Variants in FNBP4 observed in about 807,000 individuals in gnomAD.
FNBP4 encodes the protein formin binding protein 4.
In FNBP4, 34 loss-of-function variants were observed where a neutral mutation model predicts 119.3. The ratio of observed to expected loss-of-function variants is 0.28; its 90% confidence interval spans 0.22 to 0.38. FNBP4 has a LOEUF of 0.38. FNBP4 is among the 10% of genes least tolerant of loss of function. The probability of loss-of-function intolerance (pLI) is 1.00; values close to 1 mark genes in which losing one functional copy is unlikely to be tolerated. For synonymous variants in FNBP4, 462 were observed against 430.6 expected, an observed-to-expected ratio of 1.07 and a Z score of -0.90; for missense variants, 1,112 against 1,228.9, an observed-to-expected ratio of 0.90 and a Z score of 1.42.
At position 47,733,793 on chromosome 11, in the gene FNBP4, T is replaced by G. The variant is rs1233553681; in HGVS notation, c.1686+232A>C. ...AACACTTACAAAGTACCTTCAACAT[T>G]ACATGGCCTCATCTGACCATGATAA... On this transcript the variant is annotated intron_variant, in intron 10 of 16. Transcript: ENST00000263773. Among the ~76,000 whole-genome samples, 3 of 152,124 alleles carry G rather than the reference T, an allele frequency of 2.0e-5. No homozygotes were observed. In the South Asian group the frequency reaches 6.2e-4, roughly 31 times the overall value.
At chr11:47,747,048 T>C (rs548069409) in intron 6 of FNBP4, among the ~76,000 whole-genome samples, 2 of 152,212 alleles carry the variant, frequency 1.3e-5, no homozygotes, top group East Asian at 3.9e-4. Flanking sequence ...TGAGAAATTT[T>C]TTTTTTTGAG....
intron 8 of FNBP4, 148 bp from the exon 9 acceptor site, chr11:47,736,888 T>C (rs2097574908): frequency 1.3e-6 from 1 of 778,746 alleles, no homozygotes; most frequent in Admixed American, 3.0e-5. Context: ...TTCAAACATG[T>C]CAGCCTACTG....
intron 9 of FNBP4, among the ~76,000 whole-genome samples, chr11:47,736,396 A>C (rs2097574210): frequency 6.6e-6 from 1 of 151,954 alleles, no homozygotes; most frequent in Non-Finnish European, 1.5e-5. Flanking sequence ...TTTCTACTAA[A>C]AATACAAAAA....
rs563125444 is a variant in FNBP4 at position 47,750,133 on chromosome 11, C to T, written c.906+783G>A. Among the ~76,000 whole-genome samples, 14 of 152,032 alleles carry T rather than the reference C, an allele frequency of 9.2e-5. No homozygotes were observed. In the East Asian group the frequency reaches 2.3e-3, roughly 25 times the overall value. On this transcript the variant is annotated intron_variant, in intron 6 of 16. Transcript: ENST00000263773. ...GTGGCTCATGCCTGTAATCTCAGCA[C>T]GTTGGGAGGCTGAGGCAGGTAGATC...
Position 47,724,112 on chromosome 11 carries a change from T to C in FNBP4, c.2380A>G (p.Thr794Ala), listed in dbSNP as rs35040940. 2,369 of 1,614,222 alleles carry C rather than the reference T, an allele frequency of 1.5e-3. 32 individuals carry two copies. In the African/African-American group the frequency reaches 0.027, roughly 18 times the overall value. Reference sequence around the variant, plus strand: ...TGAACCACTGCAGTGCTAATTTCTGTAGCTTTCCTCTTTATTCCTTTAGTG... The same window carrying C: ...TGAACCACTGCAGTGCTAATTTCTGCAGCTTTCCTCTTTATTCCTTTAGTG... ...SSTKGIKRKA[T>A]EISTAVVQRS... is the part of the protein sequence containing the mutation. The change falls in exon 14 of 17, where the codon ACA becomes GCA. Residue 794 changes from threonine (T) to alanine (A), a missense_variant. Thr to Ala is a moderately conservative substitution (Grantham distance 58). Transcript: ENST00000263773.
At chr11:47,742,929 A>T (rs2097584294) in intron 8 of FNBP4, among the ~76,000 whole-genome samples, 1 of 151,616 alleles carries the variant, frequency 6.6e-6, no homozygotes, top group Non-Finnish European at 1.5e-5. Flanking sequence ...AATTCAAACA[A>T]GGATGTCTTT....
intron 4 of FNBP4, 124 bp from the exon 5 acceptor site, chr11:47,751,414 C>G (rs992400712): frequency 9.0e-7 from 1 of 1,109,582 alleles, no homozygotes; most frequent in Admixed American, 2.0e-5. Flanking sequence ...GCACACAGGT[C>G]TTTGTTGTGG....
rs747080612 is a variant in FNBP4 at position 47,753,117 on chromosome 11, G to C, written c.451-15C>G. 6.3e-7 allele frequency: 1 copy of C among 1,578,878 alleles called. No homozygotes were observed. Among genetic ancestry groups the C allele is most frequent in the Non-Finnish European group, 8.6e-7 (1 of 1,167,092 alleles). On this transcript the variant is annotated splice_polypyrimidine_tract_variant and intron_variant, in intron 3 of 16. Transcript: ENST00000263773. ...GCATCGATCTCCTTCAGTATGAAAAGAGTAACAAATGCAGTAATTATATCA... is the reference window on the plus strand; with the variant it reads ...GCATCGATCTCCTTCAGTATGAAAACAGTAACAAATGCAGTAATTATATCA...
intron 1 of FNBP4, among the ~76,000 whole-genome samples, chr11:47,766,549 G>A (rs1289374372): frequency 6.6e-6 from 1 of 152,216 alleles, no homozygotes; most frequent in East Asian, 1.9e-4. Flanking sequence ...ACTCCAGTGA[G>A]AACCACACAA....
At chr11:47,744,773 A>G (rs930912943) in intron 7 of FNBP4, among the ~76,000 whole-genome samples, 1 of 152,200 alleles carries the variant, frequency 6.6e-6, no homozygotes, top group African/African-American at 2.4e-5. Flanking sequence ...TATAATATAC[A>G]GTTATTATTG....
chr11:47,753,747 C>T (rs1280963232), intron 3 of FNBP4, among the ~76,000 whole-genome samples: 1 of 151,842 alleles, frequency 6.6e-6, no homozygotes, highest in Non-Finnish European at 1.5e-5. Flanking sequence ...AGTGGGCCAA[C>T]ATCACGCCAC....
At position 47,744,026 on chromosome 11, in the gene FNBP4, T is replaced by G; in HGVS notation, c.1383A>C (p.Arg461=). ...TACTGGTAGATTCTGGACTGGTAGC[T>G]CGAACAAACATCTTCCATTTTCCTC... is the stretch of plus-strand genomic sequence containing the variant. ...SKRGKWKMFV[R]ATSPESTSRS... Residue 461 remains arginine, a synonymous_variant, in exon 8 of 17, where the codon CGA becomes CGC. Coordinates refer to ENST00000263773, the MANE Select transcript of FNBP4 (RefSeq NM_015308.5). 6.2e-7 allele frequency: 1 copy of G among 1,614,176 alleles called. No individual in the cohort carries two copies. Among genetic ancestry groups the G allele is most frequent in the Non-Finnish European group, 8.5e-7 (1 of 1,180,022 alleles).
At chr11:47,752,437 A>C (rs1449968124) in intron 4 of FNBP4, among the ~76,000 whole-genome samples, 1 of 150,984 alleles carries the variant, frequency 6.6e-6, no homozygotes. Context: ...AAAAAAAAAA[A>C]AAACAATTAA....
Position 47,738,847 on chromosome 11 carries a change from ATTTTTTTTTT to A in FNBP4, c.1457-2117_1457-2108del, listed in dbSNP as rs71045510. ...AGGTGTTTGCCACCATGCCCAGGTA[ATTTTTTTTTT>A]TTTTTTTTTTTTTTTTTTTTTTTTT... On this transcript the variant is annotated intron_variant, in intron 8 of 16. Coordinates refer to ENST00000263773, the MANE Select transcript of FNBP4 (RefSeq NM_015308.5). Among the ~76,000 whole-genome samples, 318 of 110,948 alleles carry A rather than the reference ATTTTTTTTTT, an allele frequency of 2.9e-3. 2 individuals carry two copies. Among genetic ancestry groups the A allele is most frequent in the African/African-American group, 8.2e-3 (251 of 30,690 alleles). 72.8% of individuals were successfully genotyped at this position (110,948 alleles called of 152,430 possible).
intron 9 of FNBP4, 37 bp downstream of exon 9, chr11:47,736,579 T>TAA: frequency 6.7e-7 from 1 of 1,499,952 alleles, no homozygotes; most frequent in Non-Finnish European, 9.1e-7. Context: ...ATAATAATAA[T>TAA]AAAAATTTGT....
intron 4 of FNBP4, among the ~76,000 whole-genome samples, chr11:47,751,496 C>T (rs1012527359): frequency 1.3e-5 from 2 of 151,968 alleles, no homozygotes; most frequent in Non-Finnish European, 2.9e-5. Flanking sequence ...GCACTCCCAT[C>T]CACCCTGCCT....
intron 15 of FNBP4, among the ~76,000 whole-genome samples, chr11:47,722,247 G>A (rs980712229): frequency 2.3e-4 from 4 of 17,180 alleles, no homozygotes; most frequent in East Asian, 1.8e-3. Flanking sequence ...TTTTATCCCC[G>A]TTTTTCTTTT....
At chr11:47,721,654 GATATA>G (rs942362075) in intron 15 of FNBP4, among the ~76,000 whole-genome samples, 1 of 151,938 alleles carries the variant, frequency 6.6e-6, no homozygotes, top group Non-Finnish European at 1.5e-5. Flanking sequence ...AAGGTATAAT[GATATA>G]ATATTTTTTC....
Position 47,767,086 on chromosome 11 carries a change from T to A in FNBP4, c.203A>T (p.Asp68Val). ...TTAVTAAAAS[D>V]DSPSEDEQEA... is the part of the protein sequence containing the mutation. ...ACCCTTGCCTTCTGAAGGCGAGTCG[T>A]CCGAGGCCGCGGCGGCAGTCACCGC... Residue 68 changes from aspartate to valine, a missense_variant, in exon 1 of 17, where the codon GAC (aspartate) becomes GTC (valine). Asp to Val is a radical substitution (Grantham distance 152). Around this residue, in one of 2 missense-constraint regions of FNBP4, gnomAD observed 286 missense variants for 240.1 expected, o/e 1.19. Coordinates refer to ENST00000263773, the MANE Select transcript of FNBP4 (RefSeq NM_015308.5). 1 of 1,531,320 alleles carries A rather than the reference T, an allele frequency of 6.5e-7. No homozygotes were observed. The highest frequency in any genetic ancestry group is 8.7e-7 in the Non-Finnish European group (1 of 1,145,380). 94.9% of individuals were successfully genotyped at this position (1,531,320 alleles called of 1,614,324 possible). A position where few individuals can be genotyped will look rare whatever the true frequency, so the allele number is the denominator to read the frequency against.
Sources: gnomAD v4.1 joint callset for allele counts (sites outside exome capture counted in the v4.1 genomes callset) on GRCh38, gnomAD v4.1.1 for gene constraint, gnomAD v4.1.1 regional missense constraint, MANE v1.5 for transcripts, NCBI Gene and HGNC (gene_info 2026-07-23, HGNC 2026-07-21) for gene names.